Variants in CLCN1 observed in about 807,000 individuals in gnomAD.
The protein encoded by CLCN1 is chloride voltage-gated channel 1.
CLCN1 carries 100 observed loss-of-function variants against 114.5 expected under a neutral mutation model. The ratio of observed to expected loss-of-function variants is 0.87; its 90% CI spans 0.74 to 1.03. CLCN1 has a LOEUF of 1.03. Ranked by LOEUF, CLCN1 falls within the 50% of genes least tolerant of loss-of-function variation. The pLI, the probability that CLCN1 is intolerant of heterozygous loss-of-function variation, is 0.00. For synonymous variants in CLCN1, 485 were observed against 487.1 expected (o/e 1.00, Z 0.06); for missense variants, 1,188 against 1,250.0 (o/e 0.95, Z 0.75).
chr7:143,341,572 TA>T (rs1803074891), intron 14 of CLCN1, among the ~76,000 whole-genome samples: 1 of 2,752 alleles, frequency 3.6e-4, no homozygotes, highest in Non-Finnish European at 6.0e-4. Context: ...TAATAATAAT[TA>T]ATAATAATAA....
intron 7 of CLCN1, among the ~76,000 whole-genome samples, chr7:143,327,968 T>A (rs1802617908): frequency 6.6e-6 from 1 of 152,042 alleles, no homozygotes; most frequent in Non-Finnish European, 1.5e-5. Flanking sequence ...GGTGATTAAT[T>A]TTGTGTGGGG....
rs112670806 is a variant in CLCN1, at chr7:143,321,029, G to A, written c.433+234G>A. 6.6e-5 allele frequency among the ~76,000 whole-genome samples: 10 copies of A among 152,266 alleles called. No homozygotes were observed. Among genetic ancestry groups the A allele is most frequent in the African/African-American group, 2.2e-4 (9 of 41,542 alleles). On this transcript the variant is annotated intron_variant, in intron 3 of 22. Transcript: ENST00000343257. This position sits in a 1 kb window ranked among gnomAD's most constrained non-coding sequence, Gnocchi z 4.2. ...GCAGTGGATGCCCCTCTAATAGGGTGGCCAACTTGCCCCAGTTCCCCAGGG... is the reference window on the plus strand; with the variant it reads ...GCAGTGGATGCCCCTCTAATAGGGTAGCCAACTTGCCCCAGTTCCCCAGGG...
intron 10 of CLCN1, 56 bp downstream of exon 10, chr7:143,331,708 T>C: frequency 8.0e-7 from 1 of 1,253,382 alleles, no homozygotes; most frequent in South Asian, 1.2e-5. Flanking sequence ...TCTCCAAGAG[T>C]TCCTCCCTTT....
chr7:143,332,996 T>A (rs973237566), intron 12 of CLCN1, 123 bp downstream of exon 12: 1 of 1,153,920 alleles, frequency 8.7e-7, no homozygotes, highest in Non-Finnish European at 1.3e-6. Flanking sequence ...TAAAAATAAG[T>A]CATTTGAAAA....
Position 143,324,594 on chromosome 7 carries a change from C to A in CLCN1, c.853+102C>A, listed in dbSNP as rs549434253. 2 of 869,874 alleles carry A rather than the reference C, an allele frequency of 2.3e-6. No individual in the cohort carries two copies. Among genetic ancestry groups the A allele is most frequent in the Admixed American group, 1.9e-5 (1 of 52,388 alleles). 53.9% of individuals were successfully genotyped at this position (869,874 alleles called of 1,614,324 possible). A position where few individuals can be genotyped will look rare whatever the true frequency, so the allele number is the denominator to read the frequency against. ...AGTGCTGGTATTACCAGGTTACTTA[C>A]GAGAATAGCTGACTTTTAGTAAGCC... On this transcript the variant is annotated intron_variant, in intron 7 of 22. Transcript: ENST00000343257. The surrounding 1 kb of genome is among the most constrained non-coding windows in gnomAD (Gnocchi z 4.6).
intron 1 of CLCN1, among the ~76,000 whole-genome samples, chr7:143,317,515 T>C (rs1466983732): frequency 6.6e-6 from 1 of 152,110 alleles, no homozygotes; most frequent in Non-Finnish European, 1.5e-5. Flanking sequence ...CCCAAAGTGC[T>C]GGAATTACAG....
intron 16 of CLCN1, among the ~76,000 whole-genome samples, chr7:143,344,769 T>TA (rs1554438892): frequency 0.02 from 2,949 of 150,424 alleles, 51 homozygotes; most frequent in African/African-American, 0.04. Context: ...TTTTTTTTTT[T>TA]AATGAAATCT....
At chr7:143,338,810 A>G (rs1196265612) in intron 12 of CLCN1, among the ~76,000 whole-genome samples, 1 of 123,634 alleles carries the variant, frequency 8.1e-6, no homozygotes, top group African/African-American at 5.0e-5. Context: ...AAAAAAAAAG[A>G]AAAAAAAAAA....
Position 143,333,997 on chromosome 7 carries a change from T to A in CLCN1, c.1401+1124T>A, listed in dbSNP as rs189433667. ...GGGAAGCCGAGAGAGGTGGGTCATC[T>A]GAGGTCAGGAGTTGGAGACTAGCCT... On this transcript the variant is annotated intron_variant, in intron 12 of 22. Coordinates refer to ENST00000343257, the MANE Select transcript of CLCN1 (RefSeq NM_000083.3). Among the ~76,000 whole-genome samples, 4 of 152,332 alleles carry A rather than the reference T, an allele frequency of 2.6e-5. No individual in the cohort carries two copies. The East Asian group carries it at 7.7e-4, about 29-fold the overall frequency.
In CLCN1 at chr7:143,321,998, G is replaced by A; in HGVS notation, c.696+150G>A. The A allele has an allele frequency of 2.2e-6, 2 of 927,948 alleles. No individual in the cohort carries two copies. Among genetic ancestry groups the A allele is most frequent in the Non-Finnish European group, 3.2e-6 (2 of 629,874 alleles). The allele number at this position is 927,948 out of a possible 1,614,324, so 57.5% of individuals were successfully genotyped here. On this transcript the variant is annotated intron_variant, in intron 5 of 22. Transcript: ENST00000343257. This position sits in a 1 kb window ranked among gnomAD's most constrained non-coding sequence, Gnocchi z 4.2. ...GACACTAGGAAGGGGAAATGCTTTG[G>A]AAGTTCCTCCAACTGAGGTCCAATG...
Position 143,321,759 on chromosome 7 carries a change from C to A in CLCN1, c.607C>A (p.Leu203Met). Residue 203 changes from leucine to methionine, a missense_variant, in exon 5 of 23, where the codon CTG (leucine) becomes ATG (methionine). Leu to Met is a conservative substitution (Grantham distance 15, BLOSUM62 2). Coordinates refer to ENST00000343257, the MANE Select transcript of CLCN1 (RefSeq NM_000083.3). This position sits in a 1 kb window ranked among gnomAD's most constrained non-coding sequence, Gnocchi z 4.2. ...GAAGACAATACTTCGTGGGGTTGTC[C>A]TGAAGGAATACCTCACAATGAAAGC... is the stretch of plus-strand genomic sequence containing the variant. ...EMKTILRGVV[L>M]KEYLTMKAFV... 6.2e-7 allele frequency: 1 copy of A among 1,614,232 alleles called. No homozygotes were observed. Among genetic ancestry groups the A allele is most frequent in the Non-Finnish European group, 8.5e-7 (1 of 1,180,032 alleles).
rs1305112926 is a variant in CLCN1, at chr7:143,321,672, C to T, written c.563-43C>T. ...TATTCTGGACATTCATCTCCCTTTTCACCTTCACCTTGACCCTGCACATAA... is the reference window on the plus strand; with the variant it reads ...TATTCTGGACATTCATCTCCCTTTTTACCTTCACCTTGACCCTGCACATAA... On this transcript the variant is annotated intron_variant, in intron 4 of 22. Transcript: ENST00000343257. The surrounding 1 kb of genome is among the most constrained non-coding windows in gnomAD (Gnocchi z 4.2). 4 of 1,613,816 alleles carry T rather than the reference C, an allele frequency of 2.5e-6. No individual in the cohort carries two copies. The highest frequency in any genetic ancestry group is 1.7e-5 in the Admixed American group (1 of 60,028).
At chr7:143,345,420 G>A (rs1803201777) in intron 16 of CLCN1, 101 bp from the exon 17 acceptor site, 5 of 1,387,204 alleles carry the variant, frequency 3.6e-6, no homozygotes, top group African/African-American at 2.9e-5. Context: ...TGGGGACGCC[G>A]GGCAGGGTGG....
intron 7 of CLCN1, among the ~76,000 whole-genome samples, chr7:143,329,939 TA>T (rs1802677748): frequency 1.3e-5 from 2 of 152,274 alleles, no homozygotes; most frequent in African/African-American, 4.8e-5. Flanking sequence ...TCGCATTCCT[TA>T]CTTTGTCCCT....
rs772100356 is a variant in CLCN1, at chr7:143,319,818, A to G, written c.244A>G (p.Thr82Ala). The change falls in exon 2 of 23, where the codon ACA becomes GCA. Residue 82 changes from threonine to alanine, a missense_variant. Coordinates refer to ENST00000343257, the MANE Select transcript of CLCN1 (RefSeq NM_000083.3). The stretch of plus-strand genomic sequence containing the variant: ...GCAGGACATAGGGATGCCCAAGAAG[A>G]CAGGCTCCAGTTCTACCGTGGACAG... ...REQDIGMPKK[T>A]GSSSTVDSKD... 53 of 1,613,770 alleles carry G rather than the reference A, an allele frequency of 3.3e-5. 1 individual carries two copies. The South Asian group carries it at 4.5e-4, about 14-fold the overall frequency.
Position 143,347,077 on chromosome 7 carries a change from G to A in CLCN1, c.2403+128G>A, listed in dbSNP as rs971622361. The A allele has an allele frequency of 1.4e-5, 12 of 865,764 alleles. No homozygotes were observed. The Admixed American group carries it at 1.6e-4, about 11-fold the overall frequency. The allele number at this position is 865,764 out of a possible 1,614,324, so 53.6% of individuals were successfully genotyped here. A position where few individuals can be genotyped will look rare whatever the true frequency, so the allele number is the denominator to read the frequency against. ...GGTCTGGATGGGAAGTGTTTTGAGA[G>A]GATGGAAATAAGGATGATTATGGAG... is the stretch of plus-strand genomic sequence containing the variant. On this transcript the variant is annotated intron_variant, in intron 20 of 22. Transcript: ENST00000343257.
At chr7:143,319,565 G>A (rs1388738501) in intron 1 of CLCN1, among the ~76,000 whole-genome samples, 190 bp from the exon 2 acceptor site, 1 of 152,184 alleles carries the variant, frequency 6.6e-6, no homozygotes, top group Non-Finnish European at 1.5e-5. Flanking sequence ...CAAGGGAAAG[G>A]GTGGGAAGTG....
chr7:143,326,968 C>T (rs1728499137), intron 7 of CLCN1, among the ~76,000 whole-genome samples: 1 of 152,062 alleles, frequency 6.6e-6, no homozygotes, highest in Non-Finnish European at 1.5e-5. Context: ...TTATCAGTGG[C>T]CAGGCACAGT....
At chr7:143,331,384 C>T in intron 9 of CLCN1, 68 bp downstream of exon 9, 1 of 1,285,790 alleles carries the variant, frequency 7.8e-7, no homozygotes, top group Non-Finnish European at 1.1e-6. Flanking sequence ...TTGGAAGGGA[C>T]CCAAGCTAGA....
Sources: allele counts gnomAD v4.1 joint callset (sites outside exome capture counted in the v4.1 genomes callset), GRCh38; gene constraint gnomAD v4.1.1; non-coding constraint Gnocchi (gnomAD v3.1); transcripts MANE v1.5; gene names NCBI Gene and HGNC (gene_info 2026-07-23, HGNC 2026-07-21).